The following CYP3A5 variants were observed in gnomAD, a reference collection of about 807,000 sequenced individuals.
CYP3A5 encodes the protein cytochrome P450 family 3 subfamily A member 5.
In CYP3A5, 51 loss-of-function variants were observed where a neutral mutation model predicts 55.9. The ratio of observed to expected loss-of-function variants is 0.91; its 90% CI spans 0.73 to 1.15. CYP3A5 has a LOEUF of 1.15. Among genes scored for constraint, CYP3A5 ranks in the 50% most tolerant of loss-of-function variants. The probability of loss-of-function intolerance (pLI) is 0.00; values close to 1 mark genes in which losing one functional copy is unlikely to be tolerated. For missense variants in CYP3A5, 533 were observed against 596.6 expected (o/e 0.89, Z 1.11); for synonymous variants, 196 against 213.9 (o/e 0.92, Z 0.73).
chr7:99,671,117 T>TTGTGTGTGTGTGTGTG (rs59010937), intron 4 of CYP3A5: 7 of 141,822 alleles, frequency 4.9e-5, no homozygotes, highest in Non-Finnish European at 9.3e-5. Flanking sequence ...CACAGACCAT[T>TTGTGTGTGTGTGTGTG]TGTGTGTGTG....
At position 99,666,845 on chromosome 7, in the gene CYP3A5, C is replaced by A. The variant is rs1811071479; in HGVS notation, c.432+107G>T. The A allele has an allele frequency of 2.5e-6, 4 of 1,578,906 alleles. No homozygotes were observed. In the South Asian group the frequency reaches 4.6e-5, roughly 18 times the overall value. ...AAGATAAAAGACCATTTTTAGGAAG[C>A]TCGAACTCAGTGGACTACCCCTTGG... is the stretch of plus-strand genomic sequence containing the variant. On this transcript the variant is annotated intron_variant, in intron 5 of 12. Transcript: ENST00000222982.
chr7:99,652,393 C>A, intron 11 of CYP3A5, 160 bp downstream of exon 11: 1 of 537,266 alleles, frequency 1.9e-6, no homozygotes, highest in Non-Finnish European at 3.2e-6. Context: ...TTTTTCTAGT[C>A]TGTGGTTTGT....
At chr7:99,659,340 A>C (rs1810134025) in intron 10 of CYP3A5, 1 of 152,606 alleles carries the variant, frequency 6.6e-6, no homozygotes, top group African/African-American at 2.4e-5. Context: ...CCGGAGGTCC[A>C]CTCCAGACCC....
intron 10 of CYP3A5, 65 bp downstream of exon 10, chr7:99,660,434 T>A: frequency 6.6e-7 from 1 of 1,506,764 alleles, no homozygotes; most frequent in South Asian, 1.3e-5. Context: ...TCCTGGGGAG[T>A]GGTGAGGAGG....
intron 8 of CYP3A5, 98 bp downstream of exon 8, chr7:99,663,870 C>CT (rs1253926192): frequency 6.9e-7 from 1 of 1,452,052 alleles, no homozygotes; most frequent in Non-Finnish European, 9.0e-7. Flanking sequence ...AGTTCTCTGT[C>CT]TTTATTTTTA....
intron 10 of CYP3A5, among the ~76,000 whole-genome samples, chr7:99,658,594 C>T (rs926576439): frequency 7.2e-5 from 11 of 152,020 alleles, no homozygotes; most frequent in South Asian, 4.1e-4. Flanking sequence ...ATCTTTGTGG[C>T]GTTCTCTGTA....
At chr7:99,659,264 T>G (rs1397921588) in intron 10 of CYP3A5, 1 of 152,376 alleles carries the variant, frequency 6.6e-6, no homozygotes. Flanking sequence ...GGTGTGGATG[T>G]CCTTTCTGTT....
chr7:99,652,714 G>A lies in CYP3A5; in HGVS notation c.1092C>T (p.Leu364=). The part of the protein sequence containing the change: ...EYLDMVVNET[L]RLFPVAIRLE... The stretch of plus-strand genomic sequence containing the variant: ...GTCTAATAGCAACTGGGAATAATCT[G>A]AGTGTTTCATTCACCACCATGTCAA... The change falls in exon 11 of 13, where the codon CTC becomes CTT. Residue 364 remains leucine, a synonymous_variant. Coordinates refer to ENST00000222982, the MANE Select transcript of CYP3A5 (RefSeq NM_000777.5). 1 of 1,614,112 alleles carries A rather than the reference G, an allele frequency of 6.2e-7. No homozygotes were observed. The highest frequency in any genetic ancestry group is 8.5e-7 in the Non-Finnish European group (1 of 1,180,008).
At chr7:99,663,919 A>G in intron 8 of CYP3A5, 49 bp downstream of exon 8, 1 of 1,546,446 alleles carries the variant, frequency 6.5e-7, no homozygotes, top group Non-Finnish European at 8.6e-7. Flanking sequence ...TATAAAATCT[A>G]AATTTATCAA....
intron 4 of CYP3A5, among the ~76,000 whole-genome samples, chr7:99,667,933 T>C (rs902364724): frequency 2.6e-5 from 4 of 152,166 alleles, no homozygotes; most frequent in African/African-American, 9.7e-5. Flanking sequence ...ACCTGATGTC[T>C]TAATACACTA....
chr7:99,658,554 T>C (rs1271458382), intron 10 of CYP3A5, among the ~76,000 whole-genome samples: 1 of 152,172 alleles, frequency 6.6e-6, no homozygotes, highest in African/African-American at 2.4e-5. Flanking sequence ...CTGACAATTA[T>C]GTGTCTTGGA....
intron 12 of CYP3A5, 51 bp from the exon 13 acceptor site, chr7:99,648,451 G>A: frequency 1.7e-6 from 2 of 1,168,804 alleles, no homozygotes; most frequent in Admixed American, 2.2e-5. Flanking sequence ...AGTGAAAGAA[G>A]AAAAGATGGA....
chr7:99,660,243 TTTA>T, intron 10 of CYP3A5: 1 of 958,430 alleles, frequency 1.0e-6, no homozygotes, highest in Non-Finnish European at 1.2e-6. Context: ...TTTTTTTTTT[TTTA>T]CTTAGCATTA....
At chr7:99,665,355 T>C (rs760416387) in intron 6 of CYP3A5, 41 bp from the exon 7 acceptor site, 2 of 1,611,630 alleles carry the variant, frequency 1.2e-6, no homozygotes, top group East Asian at 2.2e-5. Context: ...TCAGCACCTC[T>C]TACCGTCCTT....
intron 10 of CYP3A5, among the ~76,000 whole-genome samples, chr7:99,656,467 G>A (rs1211308277): frequency 2.0e-5 from 3 of 152,184 alleles, no homozygotes; most frequent in Non-Finnish European, 4.4e-5. Flanking sequence ...TTGATGTGCT[G>A]CTGGATTCGG....
intron 2 of CYP3A5, among the ~76,000 whole-genome samples, chr7:99,675,326 A>G (rs1416871915): frequency 6.6e-6 from 1 of 152,208 alleles, no homozygotes; most frequent in Non-Finnish European, 1.5e-5. Context: ...GGTCCCAGAA[A>G]TGTTGATCTA....
Position 99,652,651 on chromosome 7 carries a change from C to T in CYP3A5, c.1155G>A (p.Gly385=), listed in dbSNP as rs1277783936. 6.2e-7 allele frequency: 1 copy of T among 1,613,864 alleles called. No homozygotes were observed. Among genetic ancestry groups the T allele is most frequent in the African/African-American group, 1.3e-5 (1 of 74,852 alleles). The change falls in exon 11 of 13, where the codon GGG becomes GGA. Residue 385 remains glycine, a synonymous_variant. Transcript: ENST00000222982. ...RTCKKDVEIN[G]VFIPKGSMVV... ...CCATTGACCCTTTGGGAATGAATAC[C>T]CCATTGATTTCAACATCTTTCTTGC... is the stretch of plus-strand genomic sequence containing the variant.
chr7:99,677,764 A>G (rs139259766), intron 1 of CYP3A5, among the ~76,000 whole-genome samples: 65 of 152,334 alleles, frequency 4.3e-4, no homozygotes, highest in African/African-American at 1.4e-3. Context: ...TTCCCACTTC[A>G]GTTCCCTCCT....
Position 99,660,625 on chromosome 7 carries a change from T to A in CYP3A5, c.900A>T (p.Ile300=). 1 of 1,613,892 alleles carries A rather than the reference T, an allele frequency of 6.2e-7. No individual in the cohort carries two copies. Among genetic ancestry groups the A allele is most frequent in the Non-Finnish European group, 8.5e-7 (1 of 1,179,898 alleles). The change falls in exon 10 of 13, where the codon ATA becomes ATT. Residue 300 remains isoleucine (I), a synonymous_variant. Coordinates refer to ENST00000222982, the MANE Select transcript of CYP3A5 (RefSeq NM_000777.5). ...TTTCATAGCCAGCAAAAATGAAGAT[T>A]ATTGACTGGGCTGCGAGCTCCAGAT... ...LSDLELAAQS[I]IFIFAGYETT... is the part of the protein sequence containing the mutation.
Sources: gnomAD v4.1 joint callset for allele counts (sites outside exome capture counted in the v4.1 genomes callset) on GRCh38, gnomAD v4.1.1 for gene constraint, MANE v1.5 for transcripts, NCBI Gene and HGNC (gene_info 2026-07-23, HGNC 2026-07-21) for gene names.